The following CLDN4 variants were observed in gnomAD, a reference collection of about 807,000 sequenced individuals.
The protein encoded by CLDN4 is claudin-4.
In CLDN4, 12 loss-of-function variants were observed where a neutral mutation model predicts 13.7. The observed-to-expected ratio is 0.88, with a 90% CI of 0.56 to 1.42. The LOEUF (loss-of-function observed/expected upper bound fraction) is 1.42. Ranked by LOEUF, CLDN4 falls within the 40% of genes most tolerant of loss-of-function variation. CLDN4 has a pLI of 0.00. For synonymous variants in CLDN4, 152 were observed against 140.6 expected, an observed-to-expected ratio of 1.08 and a Z score of -0.57; for missense variants, 252 against 297.4, an observed-to-expected ratio of 0.85 and a Z score of 1.12.
At position 73,832,426 on chromosome 7, in the gene CLDN4, A is replaced by G. The variant is rs532944600; in HGVS notation, c.*595A>G. On this transcript the variant is annotated 3_prime_UTR_variant, in exon 1 of 1. Transcript: ENST00000340958. ...GCCAGAGAGGCGGCTCAGGTTGCCC[A>G]GCTCTGTGGCCTCAGGACTCTCTGC... The G allele has an allele frequency of 5.5e-3, 924 of 167,930 alleles. 8 individuals are homozygous for G. Among genetic ancestry groups the G allele is most frequent in the African/African-American group, 0.021 (860 of 41,490 alleles). 10.4% of individuals were successfully genotyped at this position (167,930 alleles called of 1,614,324 possible).
Position 73,831,289 on chromosome 7 carries a change from T to A in CLDN4, c.88T>A (p.Trp30Arg). The A allele has an allele frequency of 6.2e-7, 1 of 1,613,602 alleles. No individual in the cohort carries two copies. Among genetic ancestry groups the A allele is most frequent in the South Asian group, 1.1e-5 (1 of 91,000 alleles). ...CATGCTGTGCTGCGCGCTGCCCATG[T>A]GGCGCGTGACGGCCTTCATCGGCAG... ...AVMLCCALPM[W>R]RVTAFIGSNI... The change falls in exon 1 of 1, where the codon TGG becomes AGG. Residue 30 changes from tryptophan to arginine, a missense_variant. By Grantham distance (101) the Trp-to-Arg change is moderately radical (BLOSUM62 -3). Coordinates refer to ENST00000340958, the MANE Select transcript of CLDN4 (RefSeq NM_001305.5).
chr7:73,831,291 G>T lies in CLDN4; in HGVS notation c.90G>T (p.Trp30Cys). Residue 30 changes from tryptophan to cysteine, a missense_variant, in exon 1 of 1, where the codon TGG becomes TGT. Coordinates refer to ENST00000340958, the MANE Select transcript of CLDN4 (RefSeq NM_001305.5). The part of the protein sequence containing the change: ...AVMLCCALPM[W>C]RVTAFIGSNI... Reference sequence around the variant, plus strand: ...TGCTGTGCTGCGCGCTGCCCATGTGGCGCGTGACGGCCTTCATCGGCAGCA... The same window carrying T: ...TGCTGTGCTGCGCGCTGCCCATGTGTCGCGTGACGGCCTTCATCGGCAGCA... 1 of 1,613,670 alleles carries T rather than the reference G, an allele frequency of 6.2e-7. No homozygotes were observed. The highest frequency in any genetic ancestry group is 8.5e-7 in the Non-Finnish European group (1 of 1,179,834).
rs1486975260 is a variant in CLDN4 at position 73,831,550 on chromosome 7, A to G, written c.349A>G (p.Thr117Ala). 6.2e-7 allele frequency: 1 copy of G among 1,614,112 alleles called. No homozygotes were observed. Among genetic ancestry groups the G allele is most frequent in the Non-Finnish European group, 8.5e-7 (1 of 1,180,032 alleles). The part of the protein sequence containing the change: ...CLEDESAKAK[T>A]MIVAGVVFLL... ...GGAGGATGAAAGCGCCAAGGCCAAG[A>G]CCATGATCGTGGCGGGCGTGGTGTT... The change falls in exon 1 of 1, where the codon ACC becomes GCC. Residue 117 changes from threonine (T) to alanine (A), a missense_variant. Physicochemically the swap from Thr to Ala is moderately conservative, Grantham distance 58. Transcript: ENST00000340958.
At position 73,832,442 on chromosome 7, in the gene CLDN4, G is replaced by C. The variant is rs1366835115; in HGVS notation, c.*611G>C. 6.0e-6 allele frequency: 1 copy of C among 167,734 alleles called. No individual in the cohort carries two copies. The highest frequency in any genetic ancestry group is 1.5e-5 in the Non-Finnish European group (1 of 68,784). The allele number at this position is 167,734 out of a possible 1,614,324, so 10.4% of individuals were successfully genotyped here. On this transcript the variant is annotated 3_prime_UTR_variant, in exon 1 of 1. Transcript: ENST00000340958. ...AGGTTGCCCAGCTCTGTGGCCTCAG[G>C]ACTCTCTGCCTCACCCGCTTCAGCC...
In CLDN4 at chr7:73,831,698, T is replaced by C. The variant is rs782337604; in HGVS notation, c.497T>C (p.Val166Ala). The C allele has an allele frequency of 3.7e-6, 6 of 1,614,054 alleles. No individual in the cohort carries two copies. Among genetic ancestry groups the C allele is most frequent in the Non-Finnish European group, 5.1e-6 (6 of 1,179,996 alleles). The change falls in exon 1 of 1, where the codon GTC (valine) becomes GCC (alanine). Residue 166 changes from valine to alanine, a missense_variant. Physicochemically the swap from Val to Ala is moderately conservative, Grantham distance 64. Transcript: ENST00000340958. ...CGGGAGATGGGTGCCTCGCTCTACG[T>C]CGGCTGGGCCGCCTCCGGCCTGCTG... ...QKREMGASLY[V>A]GWAASGLLLL...
rs1228956350 is a variant in CLDN4 at position 73,832,110 on chromosome 7, C to T, written c.*279C>T. On this transcript the variant is annotated 3_prime_UTR_variant, in exon 1 of 1. Transcript: ENST00000340958. ...CAGGGTGTGGTGGTGGAGTGGGGAG[C>T]TGGCTTCTGCTGGCCAGGATAGCTT... 4 of 445,510 alleles carry T rather than the reference C, an allele frequency of 9.0e-6. No individual in the cohort carries two copies. In the East Asian group the frequency reaches 1.4e-4, roughly 16 times the overall value. 27.6% of individuals were successfully genotyped at this position (445,510 alleles called of 1,614,324 possible).
rs568147161 is a variant in CLDN4, at chr7:73,832,349, AG to A, written c.*522del. The A allele has an allele frequency of 3.1e-3, 527 of 168,510 alleles. 2 individuals are homozygous for A. The highest frequency in any genetic ancestry group is 0.02 in the Middle Eastern group (6 of 302). 10.4% of individuals were successfully genotyped at this position (168,510 alleles called of 1,614,324 possible). ...GTGCAGAGTGGATGGACGGGTTTAG[AG>A]GGGAGGGGCGAAGGTGCTGTAAACA... On this transcript the variant is annotated 3_prime_UTR_variant, in exon 1 of 1. Coordinates refer to ENST00000340958, the MANE Select transcript of CLDN4 (RefSeq NM_001305.5).
Position 73,831,525 on chromosome 7 carries a change from G to C in CLDN4, c.324G>C (p.Leu108=), listed in dbSNP as rs1554634118. Residue 108 remains leucine, a synonymous_variant, in exon 1 of 1, where the codon CTG becomes CTC. Transcript: ENST00000340958. ...SVVGGKCTNC[L]EDESAKAKTM... is the part of the protein sequence containing the mutation. ...TGGGGGGCAAGTGTACCAACTGCCTGGAGGATGAAAGCGCCAAGGCCAAGA... is the reference window on the plus strand; with the variant it reads ...TGGGGGGCAAGTGTACCAACTGCCTCGAGGATGAAAGCGCCAAGGCCAAGA... The C allele has an allele frequency of 6.2e-7, 1 of 1,614,234 alleles. No individual in the cohort carries two copies.
Position 73,831,086 on chromosome 7 carries a change from G to T in CLDN4, c.-116G>T. On this transcript the variant is annotated 5_prime_UTR_variant, in exon 1 of 1. Transcript: ENST00000340958. ...GGACTGGCTTTATCTCCTGACTCAC[G>T]GTGCAAAGGTGCACTCTGCGAACGT... The T allele has an allele frequency of 7.8e-7, 1 of 1,277,884 alleles. No homozygotes were observed. Among genetic ancestry groups the T allele is most frequent in the South Asian group, 1.5e-5 (1 of 67,796 alleles). The allele number at this position is 1,277,884 out of a possible 1,614,324, so 79.2% of individuals were successfully genotyped here. A position where few individuals can be genotyped will look rare whatever the true frequency, so the allele number is the denominator to read the frequency against.
At position 73,831,154 on chromosome 7, in the gene CLDN4, C is replaced by T. The variant is rs1388095186; in HGVS notation, c.-48C>T. 13 of 1,515,146 alleles carry T rather than the reference C, an allele frequency of 8.6e-6. No individual in the cohort carries two copies. Among genetic ancestry groups the T allele is most frequent in the African/African-American group, 4.1e-5 (3 of 72,294 alleles). The allele number at this position is 1,515,146 out of a possible 1,614,324, so 93.9% of individuals were successfully genotyped here. A position where few individuals can be genotyped will look rare whatever the true frequency, so the allele number is the denominator to read the frequency against. ...CTTGGAATCCTACGGCCCCCACAGC[C>T]GGATCCCCTCAGCCTTCCAGGTCCT... On this transcript the variant is annotated 5_prime_UTR_variant, in exon 1 of 1. Transcript: ENST00000340958.
In CLDN4 at chr7:73,832,024, G is replaced by A. The variant is rs1031789308; in HGVS notation, c.*193G>A. 3.1e-5 allele frequency: 20 copies of A among 641,514 alleles called. No individual in the cohort carries two copies. The highest frequency in any genetic ancestry group is 7.3e-5 in the African/African-American group (4 of 54,806). The allele number at this position is 641,514 out of a possible 1,614,324, so 39.7% of individuals were successfully genotyped here. ...CCCACTCGGACAACTTCCCAAGGCC[G>A]CCTCCTGCTAGCAAGAACAGAGTCC... On this transcript the variant is annotated 3_prime_UTR_variant, in exon 1 of 1. Coordinates refer to ENST00000340958, the MANE Select transcript of CLDN4 (RefSeq NM_001305.5).
chr7:73,831,219 A>C lies in CLDN4; in HGVS notation c.18A>C (p.Leu6=). MASMG[L]QVMGIALAVL... ...GCTGAACAATGGCCTCCATGGGGCTACAGGTAATGGGCATCGCGCTGGCCG... is the reference window on the plus strand; with the variant it reads ...GCTGAACAATGGCCTCCATGGGGCTCCAGGTAATGGGCATCGCGCTGGCCG... Residue 6 remains leucine (L), a synonymous_variant, in exon 1 of 1, where the codon CTA becomes CTC. Coordinates refer to ENST00000340958, the MANE Select transcript of CLDN4 (RefSeq NM_001305.5). 8.3e-6 allele frequency: 13 copies of C among 1,574,016 alleles called. No individual in the cohort carries two copies. The highest frequency in any genetic ancestry group is 1.1e-5 in the Non-Finnish European group (13 of 1,156,314).
In CLDN4 at chr7:73,831,443, G is replaced by C; in HGVS notation, c.242G>C (p.Arg81Pro). Residue 81 changes from arginine to proline, a missense_variant, in exon 1 of 1, where the codon CGC (arginine) becomes CCC (proline). By Grantham distance (103) the Arg-to-Pro change is moderately radical (BLOSUM62 -2). Transcript: ENST00000340958. Reference protein sequence around the residue: ...LALPQDLQAARALVIISIIVA... With the variant: ...LALPQDLQAAPALVIISIIVA... ...CTGCCGCAGGACCTGCAGGCGGCCC[G>C]CGCCCTCGTCATCATCAGCATCATC... 1.2e-6 allele frequency: 2 copies of C among 1,614,156 alleles called. No homozygotes were observed. The highest frequency in any genetic ancestry group is 1.7e-6 in the Non-Finnish European group (2 of 1,180,038).
chr7:73,831,388 C>A lies in CLDN4; in HGVS notation c.187C>A (p.Gln63Lys). The change falls in exon 1 of 1, where the codon CAG (glutamine) becomes AAG (lysine). Residue 63 changes from glutamine to lysine, a missense_variant. Coordinates refer to ENST00000340958, the MANE Select transcript of CLDN4 (RefSeq NM_001305.5). ...NCVVQSTGQM[Q>K]CKVYDSLLAL... ...CGTGGTGCAGAGCACCGGCCAGATGCAGTGCAAGGTGTACGACTCGCTGCT... is the reference window on the plus strand; with the variant it reads ...CGTGGTGCAGAGCACCGGCCAGATGAAGTGCAAGGTGTACGACTCGCTGCT... 1 of 1,614,078 alleles carries A rather than the reference C, an allele frequency of 6.2e-7. No individual in the cohort carries two copies. Among genetic ancestry groups the A allele is most frequent in the South Asian group, 1.1e-5 (1 of 91,072 alleles).
chr7:73,831,580 T>G lies in CLDN4; in HGVS notation c.379T>G (p.Leu127Val). The G allele has an allele frequency of 1.9e-6, 3 of 1,614,130 alleles. No homozygotes were observed. Among genetic ancestry groups the G allele is most frequent in the Middle Eastern group, 1.6e-4 (1 of 6,062 alleles). Residue 127 changes from leucine (L) to valine (V), a missense_variant, in exon 1 of 1, where the codon TTG becomes GTG. Coordinates refer to ENST00000340958, the MANE Select transcript of CLDN4 (RefSeq NM_001305.5). ...TMIVAGVVFL[L>V]AGLMVIVPVS... ...GATCGTGGCGGGCGTGGTGTTCCTG[T>G]TGGCCGGCCTTATGGTGATAGTGCC...
Position 73,831,065 on chromosome 7 carries a change from T to C in CLDN4, c.-137T>C, listed in dbSNP as rs1407949204. On this transcript the variant is annotated 5_prime_UTR_variant, in exon 1 of 1. Coordinates refer to ENST00000340958, the MANE Select transcript of CLDN4 (RefSeq NM_001305.5). ...CACTTGCTGGCTTGCGCATCAGGAC[T>C]GGCTTTATCTCCTGACTCACGGTGC... 1 of 1,099,004 alleles carries C rather than the reference T, an allele frequency of 9.1e-7. No individual in the cohort carries two copies. Among genetic ancestry groups the C allele is most frequent in the Non-Finnish European group, 1.3e-6 (1 of 773,466 alleles). 68.1% of individuals were successfully genotyped at this position (1,099,004 alleles called of 1,614,324 possible). A position where few individuals can be genotyped will look rare whatever the true frequency, so the allele number is the denominator to read the frequency against.
chr7:73,831,137 C>T lies in CLDN4; in HGVS notation c.-65C>T, dbSNP rs1788019809. The T allele has an allele frequency of 4.0e-6, 6 of 1,500,898 alleles. No individual in the cohort carries two copies. The highest frequency in any genetic ancestry group is 5.3e-6 in the Non-Finnish European group (6 of 1,128,288). 93.0% of individuals were successfully genotyped at this position (1,500,898 alleles called of 1,614,324 possible). On this transcript the variant is annotated 5_prime_UTR_variant, in exon 1 of 1. Coordinates refer to ENST00000340958, the MANE Select transcript of CLDN4 (RefSeq NM_001305.5). ...TAAGTCCGTCCCCAGCGCTTGGAAT[C>T]CTACGGCCCCCACAGCCGGATCCCC...
Position 73,832,091 on chromosome 7 carries a change from G to A in CLDN4, c.*260G>A, listed in dbSNP as rs1016706955. On this transcript the variant is annotated 3_prime_UTR_variant, in exon 1 of 1. Coordinates refer to ENST00000340958, the MANE Select transcript of CLDN4 (RefSeq NM_001305.5). Reference sequence around the variant, plus strand: ...TGGGGAGGGACGGAAGTGACAGGGTGTGGTGGTGGAGTGGGGAGCTGGCTT... The same window carrying A: ...TGGGGAGGGACGGAAGTGACAGGGTATGGTGGTGGAGTGGGGAGCTGGCTT... 2.5e-5 allele frequency: 12 copies of A among 472,534 alleles called. No individual in the cohort carries two copies. In the Admixed American group the frequency reaches 3.1e-4, roughly 12 times the overall value. The allele number at this position is 472,534 out of a possible 1,614,324, so 29.3% of individuals were successfully genotyped here.
In CLDN4 at chr7:73,831,551, C is replaced by A. The variant is rs782122717; in HGVS notation, c.350C>A (p.Thr117Asn). The change falls in exon 1 of 1, where the codon ACC becomes AAC. Residue 117 changes from threonine to asparagine, a missense_variant. By Grantham distance (65) the Thr-to-Asn change is moderately conservative (BLOSUM62 0). Transcript: ENST00000340958. ...GAGGATGAAAGCGCCAAGGCCAAGACCATGATCGTGGCGGGCGTGGTGTTC... is the reference window on the plus strand; with the variant it reads ...GAGGATGAAAGCGCCAAGGCCAAGAACATGATCGTGGCGGGCGTGGTGTTC... ...CLEDESAKAK[T>N]MIVAGVVFLL... 5.0e-6 allele frequency: 8 copies of A among 1,614,100 alleles called. No individual in the cohort carries two copies. In the South Asian group the frequency reaches 5.5e-5, roughly 11 times the overall value.
Sources: allele counts gnomAD v4.1 joint callset, GRCh38; gene constraint gnomAD v4.1.1; transcripts MANE v1.5; gene names NCBI Gene and HGNC (gene_info 2026-07-23, HGNC 2026-07-21).